The following H6PD variants were observed in gnomAD, a reference collection of about 807,000 sequenced individuals.
H6PD encodes GDH/6PGL endoplasmic bifunctional protein.
In H6PD, 48 loss-of-function variants were observed where a neutral mutation model predicts 61.2. The observed-to-expected ratio is 0.78, with a 90% CI of 0.62 to 1.00. The LOEUF (loss-of-function observed/expected upper bound fraction) is 1.00. Among genes scored for constraint, H6PD ranks in the 50% least tolerant of loss-of-function variants. The pLI is 0.00. For missense variants in H6PD, 1,093 were observed against 1,065.0 expected, an observed-to-expected ratio of 1.03 and a Z score of -0.37; for synonymous variants, 480 against 457.9, an observed-to-expected ratio of 1.05 and a Z score of -0.62.
intron 1 of H6PD, chr1:9,242,431 A>C: frequency 7.7e-6 from 2 of 260,954 alleles, no homozygotes; most frequent in Non-Finnish European, 1.2e-5. Flanking sequence ...AGAGTAAGCA[A>C]TCATGTTGTA....
chr1:9,267,995 C>T lies in H6PD; in HGVS notation c.*3126C>T, dbSNP rs749920947. The stretch of plus-strand genomic sequence containing the variant: ...GTGTGGCTCATGCCTGTAATCCCAG[C>T]ACTATGGGAGGCTGAGGTGAGAGGA... On this transcript the variant is annotated 3_prime_UTR_variant, in exon 5 of 5. Transcript: ENST00000377403. The T allele has an allele frequency of 6.6e-6, 1 of 152,142 alleles. No individual in the cohort carries two copies. The allele number at this position is 152,142 out of a possible 1,614,324, so 9.4% of individuals were successfully genotyped here. A position where few individuals can be genotyped will look rare whatever the true frequency, so the allele number is the denominator to read the frequency against.
In H6PD at chr1:9,252,042, A is replaced by G. The variant is rs573201995; in HGVS notation, c.745+4959A>G. Among the ~76,000 whole-genome samples the G allele has an allele frequency of 5.9e-5, 9 of 152,234 alleles. No individual in the cohort carries two copies. In the East Asian group the frequency reaches 1.7e-3, roughly 29 times the overall value. On this transcript the variant is annotated intron_variant, in intron 3 of 4. Coordinates refer to ENST00000377403, the MANE Select transcript of H6PD (RefSeq NM_004285.4). ...CACCTCTCTCTCTCGGGTAGTTCTAAGGATTAAATCAGATAATGCACACGG... is the reference window on the plus strand; with the variant it reads ...CACCTCTCTCTCTCGGGTAGTTCTAGGGATTAAATCAGATAATGCACACGG...
At chr1:9,259,047 A>G (rs964600333) in intron 3 of H6PD, among the ~76,000 whole-genome samples, 8 of 152,056 alleles carry the variant, frequency 5.3e-5, no homozygotes, top group Non-Finnish European at 1.0e-4. Flanking sequence ...GCTGGAGTGT[A>G]GTGGTGCGAT....
chr1:9,242,359 A>G (rs943517716), intron 1 of H6PD, among the ~76,000 whole-genome samples: 1 of 152,044 alleles, frequency 6.6e-6, no homozygotes, highest in Non-Finnish European at 1.5e-5. Context: ...AAAAAAAAAT[A>G]CCCACACATA....
In H6PD at chr1:9,263,746, T is replaced by C; in HGVS notation, c.1253T>C (p.Leu418Pro). The change falls in exon 5 of 5, where the codon CTG (leucine) becomes CCG (proline). Residue 418 changes from leucine (L) to proline (P), a missense_variant. Transcript: ENST00000377403. The part of the protein sequence containing the change: ...GSPAVLVSRN[L>P]FRPSLPSSWK... Reference sequence around the variant, plus strand: ...CCTGCCGTGCTGGTCAGCAGGAACCTGTTCAGGCCCTCCCTGCCCTCCAGC... The same window carrying C: ...CCTGCCGTGCTGGTCAGCAGGAACCCGTTCAGGCCCTCCCTGCCCTCCAGC... 8.7e-6 allele frequency: 14 copies of C among 1,614,020 alleles called. No individual in the cohort carries two copies. The highest frequency in any genetic ancestry group is 1.2e-5 in the Non-Finnish European group (14 of 1,180,012).
At position 9,270,361 on chromosome 1, in the gene H6PD, G is replaced by A. The variant is rs936157220; in HGVS notation, c.*5492G>A. 19 of 152,398 alleles carry A rather than the reference G, an allele frequency of 1.2e-4. No homozygotes were observed. Among genetic ancestry groups the A allele is most frequent in the African/African-American group, 3.4e-4 (14 of 41,542 alleles). 9.4% of individuals were successfully genotyped at this position (152,398 alleles called of 1,614,324 possible). On this transcript the variant is annotated 3_prime_UTR_variant, in exon 5 of 5. Coordinates refer to ENST00000377403, the MANE Select transcript of H6PD (RefSeq NM_004285.4). ...AGTGTGAACAGACACTACTTGTGTC[G>A]CTTTGGGTCCTTCACTTTACCCCCA...
intron 1 of H6PD, among the ~76,000 whole-genome samples, chr1:9,238,558 C>T (rs1452522658): frequency 6.6e-6 from 1 of 152,144 alleles, no homozygotes; most frequent in Non-Finnish European, 1.5e-5. Context: ...GATTTGCTGA[C>T]AGATACGATG....
In H6PD at chr1:9,257,428, C is replaced by T. The variant is rs142259111; in HGVS notation, c.746-4631C>T. On this transcript the variant is annotated intron_variant, in intron 3 of 4. Coordinates refer to ENST00000377403, the MANE Select transcript of H6PD (RefSeq NM_004285.4). ...CTGGGATTACCAGCATGAGCCAGTC[C>T]GCCTGGCCTATATCCTATTTTCAAG... Among the ~76,000 whole-genome samples the T allele has an allele frequency of 1.6e-3, 237 of 152,224 alleles. 1 individual carries two copies. Among genetic ancestry groups the T allele is most frequent in the Middle Eastern group, 6.8e-3 (2 of 294 alleles).
chr1:9,261,895 C>T (rs539539852), intron 3 of H6PD, among the ~76,000 whole-genome samples, 164 bp from the exon 4 acceptor site: 36 of 152,316 alleles, frequency 2.4e-4, no homozygotes, highest in Non-Finnish European at 3.7e-4. Flanking sequence ...CCTCCCTTCT[C>T]GTGGTGAGGT....
At position 9,264,778 on chromosome 1, in the gene H6PD, G is replaced by A. The variant is rs368809830; in HGVS notation, c.2285G>A (p.Gly762Asp). ...ATCACCACGCTGGTGAGCCGGGTGG[G>A]CCATGAGCCCAAGAAGTGGCCCATC... ...REITTLVSRV[G>D]HEPKKWPISG... is the part of the protein sequence containing the mutation. Residue 762 changes from glycine to aspartate, a missense_variant, in exon 5 of 5, where the codon GGC (glycine) becomes GAC (aspartate). Transcript: ENST00000377403. The A allele has an allele frequency of 9.9e-6, 16 of 1,612,976 alleles. No homozygotes were observed. Among genetic ancestry groups the A allele is most frequent in the Non-Finnish European group, 1.3e-5 (15 of 1,180,006 alleles).
At chr1:9,235,621 A>C (rs1267798684) in intron 1 of H6PD, among the ~76,000 whole-genome samples, 2 of 152,018 alleles carry the variant, frequency 1.3e-5, no homozygotes, top group African/African-American at 4.8e-5. Context: ...AAAATCTTTT[A>C]CTTATAAAAG....
chr1:9,261,238 G>A (rs904675582), intron 3 of H6PD, among the ~76,000 whole-genome samples: 1 of 152,076 alleles, frequency 6.6e-6, no homozygotes, highest in Non-Finnish European at 1.5e-5. Context: ...TTAGAAAAAA[G>A]TCCAGCCTCT....
Position 9,263,914 on chromosome 1 carries a change from T to C in H6PD, c.1421T>C (p.Ile474Thr). ...HIFHGRKNFF[I>T]TTENLLASWN... ...TTCCATGGCCGGAAGAATTTCTTCATCACCACAGAGAACTTGCTGGCCTCC... is the reference window on the plus strand; with the variant it reads ...TTCCATGGCCGGAAGAATTTCTTCACCACCACAGAGAACTTGCTGGCCTCC... The change falls in exon 5 of 5, where the codon ATC (isoleucine) becomes ACC (threonine). Residue 474 changes from isoleucine to threonine, a missense_variant. Physicochemically the swap from Ile to Thr is moderately conservative, Grantham distance 89. Coordinates refer to ENST00000377403, the MANE Select transcript of H6PD (RefSeq NM_004285.4). 1 of 1,614,196 alleles carries C rather than the reference T, an allele frequency of 6.2e-7. No individual in the cohort carries two copies. The highest frequency in any genetic ancestry group is 1.1e-5 in the South Asian group (1 of 91,088).
At position 9,267,597 on chromosome 1, in the gene H6PD, A is replaced by C. The variant is rs765154680; in HGVS notation, c.*2728A>C. 6.6e-6 allele frequency: 1 copy of C among 152,294 alleles called. No homozygotes were observed. The highest frequency in any genetic ancestry group is 1.5e-5 in the Non-Finnish European group (1 of 68,118). The allele number at this position is 152,294 out of a possible 1,614,324, so 9.4% of individuals were successfully genotyped here. ...TCGGATGCACCACCGATCTGTGCAGAGTGGGTGTGGGAGTGTGGGTGAGGG... is the reference window on the plus strand; with the variant it reads ...TCGGATGCACCACCGATCTGTGCAGCGTGGGTGTGGGAGTGTGGGTGAGGG... On this transcript the variant is annotated 3_prime_UTR_variant, in exon 5 of 5. Transcript: ENST00000377403.
At chr1:9,243,078 C>T (rs950333179) in intron 1 of H6PD, 35 of 542,696 alleles carry the variant, frequency 6.4e-5, no homozygotes, top group African/African-American at 8.2e-5. Context: ...GTGATGGACG[C>T]GTCGTGTGTC....
chr1:9,237,636 G>A (rs1279866183), intron 1 of H6PD, among the ~76,000 whole-genome samples: 1 of 152,132 alleles, frequency 6.6e-6, no homozygotes, highest in Non-Finnish European at 1.5e-5. Flanking sequence ...TTTAAATGGT[G>A]TGATGCATGT....
chr1:9,250,189 G>A (rs1056332602), intron 3 of H6PD, among the ~76,000 whole-genome samples: 3 of 152,186 alleles, frequency 2.0e-5, no homozygotes, highest in East Asian at 1.9e-4. Flanking sequence ...CTGCTGTCCC[G>A]GGTGAGGGCG....
intron 3 of H6PD, among the ~76,000 whole-genome samples, chr1:9,257,158 A>G (rs1303623236): frequency 6.9e-6 from 1 of 144,876 alleles, no homozygotes; most frequent in African/African-American, 2.6e-5. Context: ...TTTTTTTTTG[A>G]GACAGGGTCT....
At position 9,262,009 on chromosome 1, in the gene H6PD, G is replaced by GT. The variant is rs774519932; in HGVS notation, c.746-48dup. 59 of 1,597,670 alleles carry GT rather than the reference G, an allele frequency of 3.7e-5. No homozygotes were observed. The African/African-American group carries it at 7.6e-4, about 21-fold the overall frequency. ...TTGGTGCACCTCGGGGAGATCTGAT[G>GT]TTCTGGCCTCTCTTTAGATCCTCCC... On this transcript the variant is annotated intron_variant, in intron 3 of 4. Transcript: ENST00000377403.
Sources: allele counts gnomAD v4.1 joint callset (sites outside exome capture counted in the v4.1 genomes callset), GRCh38; gene constraint gnomAD v4.1.1; transcripts MANE v1.5; gene names NCBI Gene and HGNC (gene_info 2026-07-23, HGNC 2026-07-21).